The following LDHD variants were observed in gnomAD, a reference collection of about 807,000 sequenced individuals.
The protein encoded by LDHD is D-lactate dehydrogenase, mitochondrial.
A neutral mutation model predicts 52.9 loss-of-function variants in LDHD; 58 were observed. That is an observed-to-expected ratio of 1.10 (90% confidence interval 0.89 to 1.36). The LOEUF (loss-of-function observed/expected upper bound fraction) is 1.36. Among genes scored for constraint, LDHD ranks in the 40% most tolerant of loss-of-function variants. The pLI, the probability that LDHD is intolerant of heterozygous loss-of-function variation, is 0.00. For synonymous variants in LDHD, 350 were observed against 288.6 expected (o/e 1.21, Z -2.16); for missense variants, 747 against 668.0 (o/e 1.12, Z -1.30).
chr16:75,115,733 GGGAGGGCTGGGGGCT>G, intron 1 of LDHD, 73 bp from the exon 2 acceptor site: 2 of 947,352 alleles, frequency 2.1e-6, no homozygotes, highest in Non-Finnish European at 3.1e-6. Context: ...CAGTGTCGGG[GGGAGGGCTGGGGGCT>G]GGAGGCTGGA....
intron 8 of LDHD, among the ~76,000 whole-genome samples, 196 bp from the exon 9 acceptor site, chr16:75,113,120 T>C (rs952485032): frequency 1.3e-5 from 2 of 151,956 alleles, no homozygotes; most frequent in African/African-American, 4.8e-5. Flanking sequence ...CCAGGTGTGC[T>C]TGCCACACCT....
chr16:75,114,558 C>T lies in LDHD; in HGVS notation c.597G>A (p.Leu199=). The change falls in exon 5 of 11, where the codon CTG becomes CTA. Residue 199 remains leucine, a synonymous_variant. Transcript: ENST00000450168. ...NLEVVLPDGR[L]LHTAGRGRHF... is the part of the protein sequence containing the mutation. ...GCCGGCCTCGGCCCGCCGTGTGCAG[C>T]AGCCGCCCGTCGGGCAGCACCACCT... The T allele has an allele frequency of 1.3e-6, 2 of 1,530,588 alleles. No individual in the cohort carries two copies. The highest frequency in any genetic ancestry group is 2.5e-5 in the East Asian group (1 of 40,742). 94.8% of individuals were successfully genotyped at this position (1,530,588 alleles called of 1,614,324 possible). A position where few individuals can be genotyped will look rare whatever the true frequency, so the allele number is the denominator to read the frequency against.
rs375153125 is a variant in LDHD, at chr16:75,114,542, G to C, written c.613C>G (p.Arg205Gly). The part of the protein sequence containing the change: ...PDGRLLHTAG[R>G]GRHFRKSAAG... ...GGCGCTCACCGGAAATGCCGGCCTC[G>C]GCCCGCCGTGTGCAGCAGCCGCCCG... Residue 205 changes from arginine (R) to glycine (G), a missense_variant, in exon 5 of 11, where the codon CGA becomes GGA. By Grantham distance (125) the Arg-to-Gly change is moderately radical. Transcript: ENST00000450168. 1.3e-6 allele frequency: 2 copies of C among 1,526,516 alleles called. No homozygotes were observed. Among genetic ancestry groups the C allele is most frequent in the South Asian group, 1.2e-5 (1 of 83,432 alleles). 94.6% of individuals were successfully genotyped at this position (1,526,516 alleles called of 1,614,324 possible). A position where few individuals can be genotyped will look rare whatever the true frequency, so the allele number is the denominator to read the frequency against.
At chr16:75,114,756 C>G in intron 4 of LDHD, 71 bp from the exon 5 acceptor site, 1 of 1,571,186 alleles carries the variant, frequency 6.4e-7, no homozygotes. Flanking sequence ...GGAGGAAGGT[C>G]CCCTGAACCC....
At position 75,116,716 on chromosome 16, in the gene LDHD, G is replaced by A. The variant is rs905102706; in HGVS notation, c.5C>T (p.Ala2Val). Residue 2 changes from alanine (A) to valine (V), a missense_variant, in exon 1 of 11, where the codon GCC (alanine) becomes GTC (valine). Ala to Val is a moderately conservative substitution (Grantham distance 64, BLOSUM62 0). Coordinates refer to ENST00000450168, the MANE Select transcript of LDHD (RefSeq NM_194436.3). ...CCAGGTTGCAGACCTGAGCAGTCGG[G>A]CCATAGCCAGGCACTGGCCAGAGGG... M[A>V]RLLRSATWEL... The A allele has an allele frequency of 6.3e-7, 1 of 1,588,510 alleles. No individual in the cohort carries two copies. The highest frequency in any genetic ancestry group is 8.5e-7 in the Non-Finnish European group (1 of 1,170,740).
At position 75,114,718 on chromosome 16, in the gene LDHD, G is replaced by T. The variant is rs538317832; in HGVS notation, c.470-33C>A. 1.3e-6 allele frequency: 2 copies of T among 1,542,862 alleles called. No individual in the cohort carries two copies. The highest frequency in any genetic ancestry group is 1.4e-5 in the African/African-American group (1 of 72,998). On this transcript the variant is annotated intron_variant, in intron 4 of 10. Transcript: ENST00000450168. ...GCGGCGTACAGAAGGCAGCCTCAGG[G>T]ACCGGAGGTCCTTTCCCTCGGGCTG... is the stretch of plus-strand genomic sequence containing the variant.
At chr16:75,114,277 G>A in intron 5 of LDHD, 112 bp from the exon 6 acceptor site, 1 of 1,545,758 alleles carries the variant, frequency 6.5e-7, no homozygotes, top group Non-Finnish European at 8.7e-7. Context: ...GGTCTGGGCT[G>A]GCCTCCCTCG....
intron 1 of LDHD, among the ~76,000 whole-genome samples, chr16:75,116,237 C>T (rs2036553405): frequency 6.6e-6 from 1 of 152,202 alleles, no homozygotes; most frequent in African/African-American, 2.4e-5. Flanking sequence ...TCCACTGCCC[C>T]CTCCCCACTC....
Position 75,115,198 on chromosome 16 carries a change from C to G in LDHD, c.327G>C (p.Gln109His), listed in dbSNP as rs779557335. ...TGLEGGVCAV[Q>H]GGVCVNLTHM... Reference sequence around the variant, plus strand: ...GCCGGGCGAGGGAGCCCCACTGTACCTGCACAGCACAGACGCCACCCTCAA... The same window carrying G: ...GCCGGGCGAGGGAGCCCCACTGTACGTGCACAGCACAGACGCCACCCTCAA... Residue 109 changes from glutamine to histidine, a missense_variant and splice_region_variant, in exon 3 of 11, where the codon CAG becomes CAC. Coordinates refer to ENST00000450168, the MANE Select transcript of LDHD (RefSeq NM_194436.3). 3.7e-6 allele frequency: 6 copies of G among 1,612,086 alleles called. No individual in the cohort carries two copies. In the Admixed American group the frequency reaches 8.3e-5, roughly 22 times the overall value.
intron 1 of LDHD, among the ~76,000 whole-genome samples, chr16:75,116,184 G>C (rs2036552262): frequency 6.6e-6 from 1 of 152,208 alleles, no homozygotes; most frequent in South Asian, 2.1e-4. Context: ...CCCAGCCACA[G>C]GGAACTCAGA....
chr16:75,112,525 G>T lies in LDHD; in HGVS notation c.1290-4C>A, dbSNP rs1187293453. On this transcript the variant is annotated splice_region_variant and splice_polypyrimidine_tract_variant and intron_variant, in intron 10 of 10. Coordinates refer to ENST00000450168, the MANE Select transcript of LDHD (RefSeq NM_194436.3). ...TCCGTGGAGAGCCAGTGCCCGCCTG[G>T]GGGCAGGAAGGAGACATCCTCAGGG... 6.2e-7 allele frequency: 1 copy of T among 1,613,004 alleles called. No homozygotes were observed. The highest frequency in any genetic ancestry group is 1.7e-5 in the Admixed American group (1 of 60,002).
rs1157755894 is a variant in LDHD, at chr16:75,115,498, C to G, written c.185+50G>C. The G allele has an allele frequency of 2.5e-6, 4 of 1,590,514 alleles. No individual in the cohort carries two copies. The African/African-American group carries it at 5.4e-5, about 21-fold the overall frequency. On this transcript the variant is annotated intron_variant, in intron 2 of 10. Transcript: ENST00000450168. ...GGCAACCCAGCACCCTCTCTCTCAG[C>G]TGGGGTTGAATCCAGAAGACAGGGG...
In LDHD at chr16:75,113,986, G is replaced by T; in HGVS notation, c.809C>A (p.Ala270Glu). ...CTCACCAATGCGGGCTACGGGCACT[G>T]CAGCCTGGAGGATGTGTACAGTGCT... ...VDSTVHILQA[A>E]VPVARIEFLD... Residue 270 changes from alanine to glutamate, a missense_variant, in exon 6 of 11, where the codon GCA (alanine) becomes GAA (glutamate). Coordinates refer to ENST00000450168, the MANE Select transcript of LDHD (RefSeq NM_194436.3). 6.3e-7 allele frequency: 1 copy of T among 1,599,132 alleles called. No homozygotes were observed.
Position 75,113,515 on chromosome 16 carries a change from G to C in LDHD, c.1086+20C>G, listed in dbSNP as rs770295046. 3.1e-6 allele frequency: 5 copies of C among 1,595,768 alleles called. No homozygotes were observed. Among genetic ancestry groups the C allele is most frequent in the East Asian group, 4.5e-5 (2 of 44,662 alleles). ...GTGGGCCGAGCTGTGGGCCCCATCT[G>C]TACCCCAGCCCCAGCTCACCTTGCA... On this transcript the variant is annotated intron_variant, in intron 8 of 10. Coordinates refer to ENST00000450168, the MANE Select transcript of LDHD (RefSeq NM_194436.3).
rs1041482799 is a variant in LDHD, at chr16:75,113,807, G to A, written c.893C>T (p.Ala298Val). The change falls in exon 7 of 11, where the codon GCG becomes GTG. Residue 298 changes from alanine (A) to valine (V), a missense_variant. Physicochemically the swap from Ala to Val is moderately conservative, Grantham distance 64. Transcript: ENST00000450168. ...NRYSKLNCLV[A>V]PTLFLEFHGS... The stretch of plus-strand genomic sequence containing the variant: ...ATGGAACTCCAGGAAGAGTGTGGGC[G>A]CCACTAAGCAATTCAGCTTGCTGTA... 41 of 1,614,086 alleles carry A rather than the reference G, an allele frequency of 2.5e-5. No individual in the cohort carries two copies. Among genetic ancestry groups the A allele is most frequent in the Non-Finnish European group, 3.4e-5 (40 of 1,180,018 alleles).
rs1410355000 is a variant in LDHD at position 75,114,565 on chromosome 16, C to T, written c.590G>A (p.Gly197Glu). Residue 197 changes from glycine (G) to glutamate (E), a missense_variant, in exon 5 of 11, where the codon GGG becomes GAG. Coordinates refer to ENST00000450168, the MANE Select transcript of LDHD (RefSeq NM_194436.3). ...VLNLEVVLPD[G>E]RLLHTAGRGR... ...TCGGCCCGCCGTGTGCAGCAGCCGC[C>T]CGTCGGGCAGCACCACCTCCAGGTT... 2 of 1,531,352 alleles carry T rather than the reference C, an allele frequency of 1.3e-6. No homozygotes were observed. The highest frequency in any genetic ancestry group is 2.4e-5 in the South Asian group (2 of 83,888). 94.9% of individuals were successfully genotyped at this position (1,531,352 alleles called of 1,614,324 possible).
rs916656057 is a variant in LDHD, at chr16:75,113,550, C to A, written c.1071G>T (p.Thr357=). Residue 357 remains threonine, a synonymous_variant, in exon 8 of 11, where the codon ACG becomes ACT. Transcript: ENST00000450168. ...CCCAGCTCACCTTGCAGCCTGGCCG[C>A]GTGGCCAGGGCTGCGTACCAGGCAT... ...RHNAWYAALA[T]RPGCKGYSTD... The A allele has an allele frequency of 4.4e-6, 7 of 1,608,754 alleles. No individual in the cohort carries two copies. Among genetic ancestry groups the A allele is most frequent in the Non-Finnish European group, 5.9e-6 (7 of 1,177,674 alleles).
chr16:75,115,066 C>T (rs983277921), intron 3 of LDHD, 98 bp from the exon 4 acceptor site: 2 of 1,542,208 alleles, frequency 1.3e-6, no homozygotes, highest in Non-Finnish European at 8.8e-7. Flanking sequence ...GCAGCCAGAC[C>T]AGACCCCCAG....
Position 75,113,742 on chromosome 16 carries a change from C to G in LDHD, c.958G>C (p.Glu320Gln), listed in dbSNP as rs551380637. Residue 320 changes from glutamate (E) to glutamine (Q), a missense_variant and splice_region_variant, in exon 7 of 11, where the codon GAG becomes CAG. Coordinates refer to ENST00000450168, the MANE Select transcript of LDHD (RefSeq NM_194436.3). ...QALEEQLQRT[E>Q]EIVQQNGASD... ...GCTGCCCCACTCCACCCCAGCATACCTGTGCGCTGCAGCTGCTCCTCCAGT... is the reference window on the plus strand; with the variant it reads ...GCTGCCCCACTCCACCCCAGCATACGTGTGCGCTGCAGCTGCTCCTCCAGT... 1.2e-6 allele frequency: 2 copies of G among 1,613,584 alleles called. No homozygotes were observed. The highest frequency in any genetic ancestry group is 1.3e-5 in the African/African-American group (1 of 74,892).
Sources: allele counts gnomAD v4.1 joint callset (sites outside exome capture counted in the v4.1 genomes callset), GRCh38; gene constraint gnomAD v4.1.1; transcripts MANE v1.5; gene names NCBI Gene and HGNC (gene_info 2026-07-23, HGNC 2026-07-21).